NRXN3: variants seen among roughly 807,000 people sequenced by gnomAD.
NRXN3 encodes neurexin III.
A neutral mutation model predicts 137.6 loss-of-function variants in NRXN3; 32 were observed. That is an observed-to-expected ratio of 0.23 (90% CI 0.18 to 0.31). The LOEUF (loss-of-function observed/expected upper bound fraction) is 0.31, where lower values mean the gene tolerates loss of function less well. NRXN3 is among the 10% of genes least tolerant of loss of function. The probability of loss-of-function intolerance (pLI) is 1.00; values close to 1 mark genes in which losing one functional copy is unlikely to be tolerated. For synonymous variants in NRXN3, 798 were observed against 784.5 expected, an observed-to-expected ratio of 1.02 and a Z score of -0.29; for missense variants, 1,574 against 2,062.5, an observed-to-expected ratio of 0.76 and a Z score of 4.59.
chr14:79,504,638 T>TA (rs59718262), intron 16 of NRXN3, among the ~76,000 whole-genome samples: 18,511 of 89,460 alleles, frequency 0.21, 2,417 homozygotes, highest in African/African-American at 0.31. Context: ...AAAATGAAGT[T>TA]TTTTATATAT....
At chr14:78,765,349 C>T (rs1421876968) in intron 8 of NRXN3, among the ~76,000 whole-genome samples, 1 of 152,160 alleles carries the variant, frequency 6.6e-6, no homozygotes, top group Non-Finnish European at 1.5e-5. Context: ...CATGGGGTTT[C>T]TCCATGTTGG....
chr14:79,782,091 G>GA (rs956992388), intron 19 of NRXN3, among the ~76,000 whole-genome samples: 18 of 152,092 alleles, frequency 1.2e-4, no homozygotes, highest in Admixed American at 6.6e-5. Context: ...TCCATTCCTT[G>GA]AAAGCACCCT....
At chr14:79,279,654 C>T (rs2153439720) in intron 15 of NRXN3, 3 of 986,806 alleles carry the variant, frequency 3.0e-6, no homozygotes, top group South Asian at 9.4e-5. Flanking sequence ...CCCAGGAAGC[C>T]GGCGGCTGCT....
chr14:78,518,622 AT>A (rs2096245197), intron 4 of NRXN3, among the ~76,000 whole-genome samples: 1 of 152,142 alleles, frequency 6.6e-6, no homozygotes, highest in African/African-American at 2.4e-5. Context: ...CTTACTTGGC[AT>A]TTATCCTTGA....
chr14:79,532,219 G>A (rs1229189344), intron 16 of NRXN3, among the ~76,000 whole-genome samples: 1 of 152,118 alleles, frequency 6.6e-6, no homozygotes, highest in African/African-American at 2.4e-5. Context: ...GAACACGTGT[G>A]TATGTCTTTA....
intron 19 of NRXN3, among the ~76,000 whole-genome samples, chr14:79,799,731 AG>A (rs1251470801): frequency 1.3e-5 from 2 of 152,102 alleles, no homozygotes. Context: ...CCTGTCCCTG[AG>A]GGCTCATTTC....
rs1011679245 is a variant in NRXN3 at position 78,380,575 on chromosome 14, A to G, written c.757+82715A>G. Among the ~76,000 whole-genome samples, 8 of 152,296 alleles carry G rather than the reference A, an allele frequency of 5.3e-5. No homozygotes were observed. In the South Asian group the frequency reaches 8.3e-4, roughly 16 times the overall value. ...CAGCCACAAGCCAAGAAATGTTACC[A>G]GTGCCAGAAGCTGGAGGAATTAAGA... is the stretch of plus-strand genomic sequence containing the variant. On this transcript the variant is annotated intron_variant, in intron 4 of 20. Transcript: ENST00000335750.
intron 4 of NRXN3, among the ~76,000 whole-genome samples, chr14:78,313,284 C>T (rs542760366): frequency 1.3e-5 from 2 of 152,278 alleles, no homozygotes; most frequent in South Asian, 2.1e-4. Flanking sequence ...TTGTTTGTTT[C>T]GTCTGTTTAG....
intron 6 of NRXN3, among the ~76,000 whole-genome samples, chr14:78,663,754 T>C (rs2097859112): frequency 6.6e-6 from 1 of 152,176 alleles, no homozygotes; most frequent in Non-Finnish European, 1.5e-5. Context: ...AACTCATTGC[T>C]TTCTAAAAAT....
At chr14:78,779,497 C>T (rs924588413) in intron 8 of NRXN3, among the ~76,000 whole-genome samples, 5 of 151,448 alleles carry the variant, frequency 3.3e-5, no homozygotes, top group Admixed American at 6.6e-5. Context: ...TGGAGTAAGA[C>T]AAAACAAAAA....
intron 15 of NRXN3, among the ~76,000 whole-genome samples, chr14:79,213,733 C>T (rs2068059723): frequency 6.6e-6 from 1 of 151,996 alleles, no homozygotes. Flanking sequence ...GATAGAACTC[C>T]AACTCTTTGC....
chr14:78,312,908 C>T (rs529842917), intron 4 of NRXN3, among the ~76,000 whole-genome samples: 14 of 152,120 alleles, frequency 9.2e-5, no homozygotes, highest in African/African-American at 2.9e-4. Context: ...CTATGTGCTC[C>T]GCCTTTGATA....
chr14:79,845,619 AGACGGG>A (rs2099365901), intron 20 of NRXN3, among the ~76,000 whole-genome samples: 1 of 140,532 alleles, frequency 7.1e-6, no homozygotes, highest in African/African-American at 2.8e-5. Flanking sequence ...AGAGAGACGG[AGACGGG>A]GAGAGAGACG....
chr14:79,715,281 C>T (rs1203609363), intron 19 of NRXN3, among the ~76,000 whole-genome samples: 1 of 152,168 alleles, frequency 6.6e-6, no homozygotes, highest in East Asian at 1.9e-4. Context: ...CCTAAAGAGT[C>T]CACTAAACGA....
At chr14:79,422,920 G>A (rs1254335061) in intron 15 of NRXN3, among the ~76,000 whole-genome samples, 1 of 151,902 alleles carries the variant, frequency 6.6e-6, no homozygotes, top group Non-Finnish European at 1.5e-5. Context: ...GGCTGGTCTC[G>A]AACTCCTGAT....
intron 15 of NRXN3, among the ~76,000 whole-genome samples, chr14:79,358,178 T>C (rs1218937288): frequency 2.0e-5 from 3 of 152,168 alleles, no homozygotes; most frequent in African/African-American, 7.2e-5. Context: ...CCTTGGTATT[T>C]CCTTCAGATT....
chr14:79,113,804 G>C (rs1395257933), intron 15 of NRXN3, among the ~76,000 whole-genome samples: 1 of 152,108 alleles, frequency 6.6e-6, no homozygotes, highest in Non-Finnish European at 1.5e-5. Flanking sequence ...TTGTGCATCA[G>C]GATCACTGGT....
chr14:79,279,862 T>C (rs1211281248), intron 15 of NRXN3: 1 of 1,011,358 alleles, frequency 9.9e-7, no homozygotes, highest in Non-Finnish European at 1.2e-6. Context: ...CTGAACCCAC[T>C]TGGGTTCGGG....
At chr14:78,302,847 T>G (rs1040086112) in intron 4 of NRXN3, among the ~76,000 whole-genome samples, 3 of 152,208 alleles carry the variant, frequency 2.0e-5, no homozygotes, top group African/African-American at 7.2e-5. Context: ...TTGTTGAGAC[T>G]CTCCTCCAGA....
Sources: allele counts gnomAD v4.1 joint callset (sites outside exome capture counted in the v4.1 genomes callset), GRCh38; gene constraint gnomAD v4.1.1; transcripts MANE v1.5; gene names NCBI Gene and HGNC (gene_info 2026-07-23, HGNC 2026-07-21).